Variants in KDM4C observed in about 807,000 individuals in gnomAD.
The protein encoded by KDM4C is lysine demethylase 4C, also known as lysine-specific demethylase 4C.
In KDM4C, 81 loss-of-function variants were observed where a neutral mutation model predicts 129.3. That is an observed-to-expected ratio of 0.63 (90% CI 0.52 to 0.75). The LOEUF is 0.75. Ranked by LOEUF, KDM4C falls within the 30% of genes least tolerant of loss-of-function variation. KDM4C has a pLI of 0.00. For missense variants in KDM4C, 1,457 were observed against 1,304.0 expected (o/e 1.12, Z -1.81); for synonymous variants, 573 against 456.1 (o/e 1.26, Z -3.26).
chr9:6,756,657 C>T (rs1818306804), upstream of KDM4C, among the ~76,000 whole-genome samples: 1 of 152,190 alleles, frequency 6.6e-6, no homozygotes, highest in African/African-American at 2.4e-5. Flanking sequence ...GCGGAGGTTG[C>T]AGTAAGCCGA....
At chr9:7,102,553 G>C (rs1347454046) in intron 17 of KDM4C, among the ~76,000 whole-genome samples, 2 of 152,030 alleles carry the variant, frequency 1.3e-5, no homozygotes, top group Non-Finnish European at 2.9e-5. Context: ...ATAGATGGTA[G>C]GCAGAGATCA....
At chr9:7,114,409 CTT>C (rs1838667202) in intron 18 of KDM4C, among the ~76,000 whole-genome samples, 1 of 152,120 alleles carries the variant, frequency 6.6e-6, no homozygotes, top group South Asian at 2.1e-4. Context: ...ACATTTTAAA[CTT>C]AATTAGAATG....
chr9:7,133,735 T>C (rs1352460094), intron 19 of KDM4C, among the ~76,000 whole-genome samples: 1 of 152,152 alleles, frequency 6.6e-6, no homozygotes, highest in East Asian at 1.9e-4. Flanking sequence ...CCCGTTTCAG[T>C]GTTGAGCCCC....
chr9:6,802,032 G>A (rs913623637), intron 2 of KDM4C, among the ~76,000 whole-genome samples: 2 of 151,854 alleles, frequency 1.3e-5, no homozygotes, highest in African/African-American at 4.8e-5. Flanking sequence ...TTGAACCCAG[G>A]AGGTGGAGGT....
chr9:6,901,201 A>G (rs886440838), intron 8 of KDM4C, among the ~76,000 whole-genome samples: 8 of 152,144 alleles, frequency 5.3e-5, no homozygotes, highest in Admixed American at 6.5e-5. Context: ...CCTGGAGGGA[A>G]GGAGGGACTG....
chr9:6,994,064 T>C (rs564091742), intron 12 of KDM4C, among the ~76,000 whole-genome samples: 1 of 152,300 alleles, frequency 6.6e-6, no homozygotes, highest in South Asian at 2.1e-4. Context: ...GGGATAAAGC[T>C]GTTCCACCTC....
chr9:6,896,169 G>C (rs999781103), intron 8 of KDM4C, among the ~76,000 whole-genome samples: 1 of 152,098 alleles, frequency 6.6e-6, no homozygotes, highest in Admixed American at 6.6e-5. Context: ...TTAGCATTGA[G>C]GATGCCCATA....
intron 15 of KDM4C, among the ~76,000 whole-genome samples, chr9:7,041,227 C>A (rs752083234): frequency 6.6e-6 from 1 of 151,484 alleles, no homozygotes; most frequent in South Asian, 2.1e-4. Context: ...CTAATTGATA[C>A]AGTATAACAA....
intron 18 of KDM4C, among the ~76,000 whole-genome samples, chr9:7,106,614 A>T (rs1212765537): frequency 6.6e-6 from 1 of 152,100 alleles, no homozygotes; most frequent in Non-Finnish European, 1.5e-5. Flanking sequence ...CAAAAGGACC[A>T]TTTTAAGGAA....
chr9:7,004,309 C>G (rs1430747300), intron 12 of KDM4C, among the ~76,000 whole-genome samples: 3 of 152,194 alleles, frequency 2.0e-5, no homozygotes, highest in African/African-American at 7.2e-5. Context: ...TCCCCCAGTT[C>G]ATAGTTCTCA....
At chr9:7,096,761 T>G (rs1418745260) in intron 17 of KDM4C, among the ~76,000 whole-genome samples, 1 of 152,078 alleles carries the variant, frequency 6.6e-6, no homozygotes, top group Non-Finnish European at 1.5e-5. Context: ...CCACTAAAGA[T>G]CATGCTGATT....
At chr9:7,008,370 C>G (rs1303466561) in intron 12 of KDM4C, among the ~76,000 whole-genome samples, 1 of 152,148 alleles carries the variant, frequency 6.6e-6, no homozygotes, top group Non-Finnish European at 1.5e-5. Flanking sequence ...AGACTCCAGA[C>G]CAGCACCCAC....
chr9:6,892,040 T>A (rs1588962727), intron 7 of KDM4C, among the ~76,000 whole-genome samples: 1 of 152,312 alleles, frequency 6.6e-6, no homozygotes, highest in East Asian at 1.9e-4. Flanking sequence ...TTATCAGAGC[T>A]AGCAGAGAAT....
intron 3 of KDM4C, among the ~76,000 whole-genome samples, chr9:6,811,016 A>T (rs958484915): frequency 1.3e-5 from 2 of 152,214 alleles, no homozygotes; most frequent in Non-Finnish European, 2.9e-5. Context: ...ATTTATTTCA[A>T]ATGCCAAGGA....
intron 17 of KDM4C, among the ~76,000 whole-genome samples, chr9:7,056,668 A>T (rs1386630540): frequency 6.6e-6 from 1 of 152,230 alleles, no homozygotes; most frequent in Non-Finnish European, 1.5e-5. Context: ...TTCAGTTTTG[A>T]AGTCATTTTT....
chr9:7,107,824 C>G (rs111716301), intron 18 of KDM4C, among the ~76,000 whole-genome samples: 2 of 151,740 alleles, frequency 1.3e-5, no homozygotes, highest in African/African-American at 2.4e-5. Flanking sequence ...ATTATTGTAG[C>G]TAGGTCATAA....
chr9:6,734,288 G>GTTT (rs57329090), intron 1 of KDM4C, among the ~76,000 whole-genome samples: 94 of 110,276 alleles, frequency 8.5e-4, no homozygotes, highest in Non-Finnish European at 1.1e-3. Context: ...CCCATGTTTG[G>GTTT]TTTTTTTTTT....
At chr9:6,961,065 C>G (rs1829964605) in intron 8 of KDM4C, among the ~76,000 whole-genome samples, 1 of 152,214 alleles carries the variant, frequency 6.6e-6, no homozygotes, top group Non-Finnish European at 1.5e-5. Flanking sequence ...TAGGCTGACA[C>G]TTAAACACCA....
intron 15 of KDM4C, among the ~76,000 whole-genome samples, chr9:7,035,306 G>GCA: frequency 1.2e-5 from 1 of 82,502 alleles, no homozygotes; most frequent in Non-Finnish European, 3.2e-5. Context: ...GAGCTACCAT[G>GCA]CCTGGCCATT....
Sources: gnomAD v4.1 joint callset for allele counts (sites outside exome capture counted in the v4.1 genomes callset) on GRCh38, gnomAD v4.1.1 for gene constraint, MANE v1.5 for transcripts, NCBI Gene and HGNC (gene_info 2026-07-23, HGNC 2026-07-21) for gene names.